DPH5: variants seen among roughly 807,000 people sequenced by gnomAD.
DPH5 encodes the protein diphthine methyl ester synthase.
Under a neutral mutation model 31.6 loss-of-function variants are expected in DPH5, and 31 were observed. That is an observed-to-expected ratio of 0.98 (90% CI 0.74 to 1.32). The LOEUF (loss-of-function observed/expected upper bound fraction) is 1.32. Ranked by LOEUF, DPH5 falls within the 40% of genes most tolerant of loss-of-function variation. The pLI is 0.00. For missense variants in DPH5, 309 were observed against 335.7 expected, an observed-to-expected ratio of 0.92 and a Z score of 0.62; for synonymous variants, 120 against 115.0, an observed-to-expected ratio of 1.04 and a Z score of -0.28.
chr1:101,000,370 G>A (rs111297706), intron 5 of DPH5, among the ~76,000 whole-genome samples: 6 of 152,264 alleles, frequency 3.9e-5, no homozygotes, highest in African/African-American at 1.2e-4. Context: ...AGTAAATGAT[G>A]AAGTAACTAC....
At chr1:100,998,112 G>A (rs1429166411) in intron 5 of DPH5, among the ~76,000 whole-genome samples, 1 of 152,122 alleles carries the variant, frequency 6.6e-6, no homozygotes, top group Non-Finnish European at 1.5e-5. Context: ...ACTAAAATAA[G>A]AAAACATCAT....
chr1:101,001,396 A>G, intron 5 of DPH5, 71 bp downstream of exon 5: 1 of 1,511,000 alleles, frequency 6.6e-7, no homozygotes, highest in Non-Finnish European at 9.0e-7. Context: ...CACAGACCTT[A>G]ACACAAAATC....
At chr1:100,995,311 G>A (rs544196794) in intron 5 of DPH5, among the ~76,000 whole-genome samples, 162 bp from the exon 6 acceptor site, 34 of 152,318 alleles carry the variant, frequency 2.2e-4, no homozygotes, top group African/African-American at 7.7e-4. Flanking sequence ...ATGGAAGCTT[G>A]TGGTTGTGCC....
intron 4 of DPH5, among the ~76,000 whole-genome samples, chr1:101,004,208 G>A (rs1447180194): frequency 6.6e-6 from 1 of 152,166 alleles, no homozygotes; most frequent in African/African-American, 2.4e-5. Context: ...AACTTCTTCA[G>A]TGAATCCTGG....
In DPH5 at chr1:101,018,949, T is replaced by C. The variant is rs374952821; in HGVS notation, c.260+2692A>G. On this transcript the variant is annotated intron_variant, in intron 3 of 7. Transcript: ENST00000370109. ...TCAAGCACTGTTCACATTCATTACA[T>C]GGAATGGAAGCAGTCAGCCTACATC... is the stretch of plus-strand genomic sequence containing the variant. Among the ~76,000 whole-genome samples, 23 of 152,156 alleles carry C rather than the reference T, an allele frequency of 1.5e-4. 3 individuals carry two copies. Among genetic ancestry groups the C allele is most frequent in the Admixed American group, 1.2e-3 (19 of 15,282 alleles).
At chr1:101,022,949 C>T (rs1660566739) in intron 2 of DPH5, 1 of 151,870 alleles carries the variant, frequency 6.6e-6, no homozygotes, top group South Asian at 2.1e-4. Context: ...AATCACAGCA[C>T]TTTGGAGGCC....
chr1:100,993,593 T>C (rs1658033378), intron 6 of DPH5, among the ~76,000 whole-genome samples: 1 of 124,514 alleles, frequency 8.0e-6, no homozygotes, highest in African/African-American at 3.0e-5. Context: ...TATATATATA[T>C]ATATAGCTAT....
chr1:101,024,288 T>C (rs1219934062), intron 2 of DPH5, among the ~76,000 whole-genome samples: 4 of 152,040 alleles, frequency 2.6e-5, no homozygotes, highest in Admixed American at 2.6e-4. Flanking sequence ...CACCCACCTG[T>C]AGTCTCAGCT....
At chr1:101,021,026 G>C (rs1444299148) in intron 3 of DPH5, among the ~76,000 whole-genome samples, 1 of 152,080 alleles carries the variant, frequency 6.6e-6, no homozygotes, top group African/African-American at 2.4e-5. Context: ...ATAAATCTTA[G>C]GTAACCAGCT....
rs533815440 is a variant in DPH5, at chr1:100,997,799, A to G, written c.491-2650T>C. 1.2e-3 allele frequency among the ~76,000 whole-genome samples: 180 copies of G among 152,274 alleles called. 1 individual carries two copies. Among genetic ancestry groups the G allele is most frequent in the African/African-American group, 4.2e-3 (175 of 41,540 alleles). On this transcript the variant is annotated intron_variant, in intron 5 of 7. Transcript: ENST00000370109. Reference sequence around the variant, plus strand: ...TATTCTAGTATCTGAGCTCCAATGAATCCCCATTTTTCATCCCTCAGATAC... The same window carrying G: ...TATTCTAGTATCTGAGCTCCAATGAGTCCCCATTTTTCATCCCTCAGATAC...
intron 6 of DPH5, among the ~76,000 whole-genome samples, chr1:100,994,278 T>C (rs762373239): frequency 6.6e-6 from 1 of 152,192 alleles, no homozygotes; most frequent in Non-Finnish European, 1.5e-5. Flanking sequence ...GTTCCAAACA[T>C]ACTTAAAAGT....
At chr1:100,995,256 C>T in intron 5 of DPH5, 107 bp from the exon 6 acceptor site, 1 of 636,736 alleles carries the variant, frequency 1.6e-6, no homozygotes, top group African/African-American at 1.8e-5. Flanking sequence ...AACACTCTTC[C>T]CTCACATTTT....
intron 5 of DPH5, 149 bp downstream of exon 5, chr1:101,001,318 G>T: frequency 1.5e-6 from 1 of 666,696 alleles, no homozygotes; most frequent in Non-Finnish European, 2.4e-6. Context: ...CTCTCTAAGA[G>T]CATGGGAAAG....
chr1:100,997,612 G>A (rs913121915), intron 5 of DPH5, among the ~76,000 whole-genome samples: 7 of 152,098 alleles, frequency 4.6e-5, no homozygotes, highest in Middle Eastern at 3.2e-3. Flanking sequence ...TGATCCACCC[G>A]CCTCAGCCTC....
At chr1:101,010,725 A>G (rs1467244365) in intron 4 of DPH5, among the ~76,000 whole-genome samples, 1 of 152,174 alleles carries the variant, frequency 6.6e-6, no homozygotes, top group African/African-American at 2.4e-5. Context: ...CCCTTTTAAA[A>G]AATTGAGCAA....
intron 3 of DPH5, among the ~76,000 whole-genome samples, chr1:101,020,167 G>A (rs991516797): frequency 2.6e-4 from 39 of 152,074 alleles, no homozygotes; most frequent in Non-Finnish European, 7.4e-5. Context: ...ATTTATATGA[G>A]CATTCTTCCT....
rs1248090951 is a variant in DPH5, at chr1:101,025,373, C to T, written c.71G>A (p.Arg24Lys). 2.5e-6 allele frequency: 4 copies of T among 1,614,216 alleles called. No homozygotes were observed. In the East Asian group the frequency reaches 8.9e-5, roughly 36 times the overall value. ...TTCCAGATACACTCGACTGCAGCGTCTAACAACTTCCAGGCCCTTGACTGT... is the reference window on the plus strand; with the variant it reads ...TTCCAGATACACTCGACTGCAGCGTTTAACAACTTCCAGGCCCTTGACTGT... Reference protein sequence around the residue: ...DITVKGLEVVRRCSRVYLEAY... With the variant: ...DITVKGLEVVKRCSRVYLEAY... Residue 24 changes from arginine to lysine, a missense_variant, in exon 2 of 8, where the codon AGA (arginine) becomes AAA (lysine). Arg to Lys is a conservative substitution (Grantham distance 26). Coordinates refer to ENST00000370109, the MANE Select transcript of DPH5 (RefSeq NM_015958.3).
chr1:101,016,227 G>A (rs375904843), intron 3 of DPH5, among the ~76,000 whole-genome samples: 8 of 151,860 alleles, frequency 5.3e-5, no homozygotes, highest in South Asian at 2.1e-4. Context: ...GGTGGCAGGC[G>A]CCTGTAGTCC....
intron 4 of DPH5, among the ~76,000 whole-genome samples, chr1:101,001,791 A>T (rs919655555): frequency 3.3e-5 from 5 of 152,198 alleles, no homozygotes; most frequent in Admixed American, 6.5e-5. Flanking sequence ...AGTAGTAAGT[A>T]AGTTTCAGTA....
Sources: gnomAD v4.1 joint callset for allele counts (sites outside exome capture counted in the v4.1 genomes callset) on GRCh38, gnomAD v4.1.1 for gene constraint, MANE v1.5 for transcripts, NCBI Gene and HGNC (gene_info 2026-07-23, HGNC 2026-07-21) for gene names.